The following LIMK1 variants were observed in gnomAD, a reference collection of about 807,000 sequenced individuals.
The protein encoded by LIMK1 is LIM motif-containing protein kinase.
LIMK1 carries 21 observed loss-of-function variants against 77.6 expected under a neutral mutation model. That is an observed-to-expected ratio of 0.27 (90% CI 0.19 to 0.39). The LOEUF (loss-of-function observed/expected upper bound fraction) is 0.39. LIMK1 is among the 10% of genes least tolerant of loss of function. The probability of loss-of-function intolerance (pLI) is 1.00; values close to 1 mark genes in which losing one functional copy is unlikely to be tolerated. For missense variants in LIMK1, 696 were observed against 901.6 expected (o/e 0.77, Z 2.92); for synonymous variants, 358 against 370.0 (o/e 0.97, Z 0.37).
intron 5 of LIMK1, among the ~76,000 whole-genome samples, chr7:74,102,139 A>G (rs1296309471): frequency 2.6e-5 from 4 of 152,082 alleles, no homozygotes; most frequent in Admixed American, 2.6e-4. Context: ...TTAAGGTTAT[A>G]TGCATGCAAA....
rs1361547999 is a variant in LIMK1 at position 74,083,901 on chromosome 7, C to G, written c.-90C>G. ...CCGGCCCGGCCCGCGCCCTCCGCCCCCGCCTCCCCGGGCCGGCGGCGGTGG... is the reference window on the plus strand; with the variant it reads ...CCGGCCCGGCCCGCGCCCTCCGCCCGCGCCTCCCCGGGCCGGCGGCGGTGG... On this transcript the variant is annotated 5_prime_UTR_variant, in exon 1 of 16. Transcript: ENST00000336180. 6.3e-3 allele frequency: 1,148 copies of G among 182,898 alleles called. 7 individuals carry two copies. Among genetic ancestry groups the G allele is most frequent in the Middle Eastern group, 0.013 (5 of 378 alleles). 11.3% of individuals were successfully genotyped at this position (182,898 alleles called of 1,614,324 possible). A position where few individuals can be genotyped will look rare whatever the true frequency, so the allele number is the denominator to read the frequency against.
chr7:74,088,623 A>G (rs563338786), intron 2 of LIMK1, among the ~76,000 whole-genome samples: 3 of 151,968 alleles, frequency 2.0e-5, no homozygotes, highest in Admixed American at 1.3e-4. Context: ...CAACGTGGTG[A>G]AACCCCCGTC....
At chr7:74,107,274 A>G in intron 8 of LIMK1, 81 bp downstream of exon 8, 1 of 1,428,194 alleles carries the variant, frequency 7.0e-7, no homozygotes, top group Non-Finnish European at 9.4e-7. Flanking sequence ...ATGGAAACAC[A>G]GTGGAAGGGG....
intron 12 of LIMK1, chr7:74,115,508 G>C: frequency 2.7e-6 from 1 of 368,246 alleles, no homozygotes. Context: ...GCTTGCAGGA[G>C]GGAGCAGTGG....
intron 5 of LIMK1, among the ~76,000 whole-genome samples, chr7:74,102,060 G>A (rs1253321393): frequency 6.6e-6 from 1 of 152,158 alleles, no homozygotes; most frequent in African/African-American, 2.4e-5. Context: ...CTGGGCTCAA[G>A]CAATCCTCCC....
intron 7 of LIMK1, among the ~76,000 whole-genome samples, chr7:74,106,450 A>G (rs1260229078): frequency 4.6e-5 from 7 of 152,134 alleles, no homozygotes; most frequent in Non-Finnish European, 8.8e-5. Context: ...AAAAGAGGAA[A>G]CACACATTTT....
intron 4 of LIMK1, among the ~76,000 whole-genome samples, chr7:74,098,737 A>T (rs1799386979): frequency 6.6e-6 from 1 of 151,864 alleles, no homozygotes; most frequent in African/African-American, 2.4e-5. Context: ...CCAGCTACTC[A>T]GGAGGCTGAG....
At position 74,121,410 on chromosome 7, in the gene LIMK1, C is replaced by T. The variant is rs1799937517; in HGVS notation, c.*109C>T. 2 of 1,157,684 alleles carry T rather than the reference C, an allele frequency of 1.7e-6. No individual in the cohort carries two copies. The highest frequency in any genetic ancestry group is 2.7e-5 in the Admixed American group (1 of 36,562). 71.7% of individuals were successfully genotyped at this position (1,157,684 alleles called of 1,614,324 possible). ...GGGACAGTGGGGACCCAGGCTTCTC[C>T]TCAGAGCCAGGCCCTGACTTGCCTT... On this transcript the variant is annotated 3_prime_UTR_variant, in exon 16 of 16. Transcript: ENST00000336180.
At chr7:74,106,002 G>C (rs1192924006) in intron 6 of LIMK1, 22 bp downstream of exon 6, 1 of 1,612,700 alleles carries the variant, frequency 6.2e-7, no homozygotes, top group Non-Finnish European at 8.5e-7. Context: ...AGTCTGTGGG[G>C]CAGGACGGGA....
chr7:74,116,434 C>T (rs1351570820), intron 13 of LIMK1, among the ~76,000 whole-genome samples: 3 of 152,014 alleles, frequency 2.0e-5, no homozygotes, highest in Non-Finnish European at 4.4e-5. Flanking sequence ...AAATAGAAGA[C>T]ACTTAGTGGC....
intron 5 of LIMK1, among the ~76,000 whole-genome samples, chr7:74,104,363 C>T (rs1355276834): frequency 6.6e-6 from 1 of 152,064 alleles, no homozygotes; most frequent in Non-Finnish European, 1.5e-5. Context: ...AACCAGCTCA[C>T]GCCTATAATC....
intron 4 of LIMK1, 48 bp from the exon 5 acceptor site, chr7:74,098,984 G>T: frequency 2.1e-6 from 3 of 1,424,030 alleles, no homozygotes; most frequent in Non-Finnish European, 2.9e-6. Context: ...TGCTGAAATT[G>T]ATGACGCCCT....
chr7:74,120,897 C>T lies in LIMK1; in HGVS notation c.1629C>T (p.Ile543=), dbSNP rs201954864. ...FSFGIVLCEI[I]GRVNADPDYL... The stretch of plus-strand genomic sequence containing the variant: ...CCGGGCCTTGTACTGGACAGATCAT[C>T]GGGCGGGTGAACGCAGACCCTGACT... The change falls in exon 15 of 16, where the codon ATC becomes ATT. Residue 543 remains isoleucine (I), a synonymous_variant. Transcript: ENST00000336180. The T allele has an allele frequency of 9.1e-5, 147 of 1,614,144 alleles. No individual in the cohort carries two copies. Among genetic ancestry groups the T allele is most frequent in the East Asian group, 6.5e-4 (29 of 44,872 alleles).
intron 8 of LIMK1, 123 bp from the exon 9 acceptor site, chr7:74,107,748 C>T (rs1166984908): frequency 1.0e-5 from 7 of 697,506 alleles, no homozygotes; most frequent in Non-Finnish European, 1.8e-5. Flanking sequence ...ACATCCCATG[C>T]ACAGCCTAGA....
At chr7:74,116,099 C>A in intron 13 of LIMK1, 141 bp downstream of exon 13, 1 of 877,102 alleles carries the variant, frequency 1.1e-6, no homozygotes, top group Non-Finnish European at 1.7e-6. Flanking sequence ...GCTCCTATAA[C>A]ACACTTAGTG....
chr7:74,113,933 G>A (rs910396309), intron 12 of LIMK1, among the ~76,000 whole-genome samples: 1 of 151,982 alleles, frequency 6.6e-6, no homozygotes, highest in Non-Finnish European at 1.5e-5. Context: ...TCCAGCCTGG[G>A]CAACAGAGCG....
At chr7:74,099,313 G>A in intron 5 of LIMK1, 75 bp downstream of exon 5, 4 of 1,436,336 alleles carry the variant, frequency 2.8e-6, no homozygotes, top group Non-Finnish European at 3.9e-6. Flanking sequence ...TCTGGCACTG[G>A]GGGCCCTGAA....
rs371341363 is a variant in LIMK1 at position 74,099,225 on chromosome 7, G to A, written c.595G>A (p.Val199Ile). ...PGCGTEHSHT[V>I]RVQGVDPGCM... Reference sequence around the variant, plus strand: ...CTGTGGCACCGAGCACTCACACACCGTCCGCGTCCAGGGGTGAGTGGCCGG... The same window carrying A: ...CTGTGGCACCGAGCACTCACACACCATCCGCGTCCAGGGGTGAGTGGCCGG... The change falls in exon 5 of 16, where the codon GTC becomes ATC. Residue 199 changes from valine (V) to isoleucine (I), a missense_variant. Val to Ile is a conservative substitution (Grantham distance 29). This residue lies in a region of LIMK1 where 252 missense variants were observed against 279.4 expected (regional missense o/e 0.90). Coordinates refer to ENST00000336180, the MANE Select transcript of LIMK1 (RefSeq NM_002314.4). 5.6e-5 allele frequency: 90 copies of A among 1,605,312 alleles called. No individual in the cohort carries two copies. The Middle Eastern group carries it at 6.6e-4, about 12-fold the overall frequency.
At position 74,117,006 on chromosome 7, in the gene LIMK1, C is replaced by T. The variant is rs6951483; in HGVS notation, c.1567+1048C>T. On this transcript the variant is annotated intron_variant, in intron 13 of 15. Transcript: ENST00000336180. ...ACGCCATTCTCCTGCCTCAGCCTCC[C>T]GAGTAGCTGGGACTACAGGCGCCCG... Among the ~76,000 whole-genome samples the T allele has an allele frequency of 8.6e-3, 1,309 of 152,066 alleles. 17 individuals are homozygous for T. Among genetic ancestry groups the T allele is most frequent in the African/African-American group, 0.03 (1,251 of 41,482 alleles).
Sources: gnomAD v4.1 joint callset for allele counts (sites outside exome capture counted in the v4.1 genomes callset) on GRCh38, gnomAD v4.1.1 for gene constraint, gnomAD v4.1.1 regional missense constraint, MANE v1.5 for transcripts, NCBI Gene and HGNC (gene_info 2026-07-23, HGNC 2026-07-21) for gene names.